SCARA5: variants seen among roughly 807,000 people sequenced by gnomAD.
The protein encoded by SCARA5 is scavenger receptor class A member 5.
A neutral mutation model predicts 46.3 loss-of-function variants in SCARA5; 45 were observed. The ratio of observed to expected loss-of-function variants is 0.97; its 90% confidence interval spans 0.76 to 1.24. The LOEUF (loss-of-function observed/expected upper bound fraction) is 1.24, where lower values mean the gene tolerates loss of function less well. SCARA5 is among the 50% of genes most tolerant of loss of function. The pLI, the probability that SCARA5 is intolerant of heterozygous loss-of-function variation, is 0.00. For synonymous variants in SCARA5, 333 were observed against 306.5 expected (o/e 1.09, Z -0.90); for missense variants, 680 against 689.0 (o/e 0.99, Z 0.15).
rs148967042 is a variant in SCARA5, at chr8:27,875,814, G to A, written c.1352-3744C>T. Among the ~76,000 whole-genome samples, 59 of 152,260 alleles carry A rather than the reference G, an allele frequency of 3.9e-4. No individual in the cohort carries two copies. The East Asian group carries it at 0.011, about 28-fold the overall frequency. ...GTTTGAGACCAGCCTGGGCAACATAGCAAGACCCTATTTCTCCAAAATAAT... is the reference window on the plus strand; with the variant it reads ...GTTTGAGACCAGCCTGGGCAACATAACAAGACCCTATTTCTCCAAAATAAT... On this transcript the variant is annotated intron_variant, in intron 8 of 8. Coordinates refer to ENST00000354914, the MANE Select transcript of SCARA5 (RefSeq NM_173833.6).
chr8:27,964,777 T>G (rs1286997805), intron 3 of SCARA5, among the ~76,000 whole-genome samples: 1 of 152,038 alleles, frequency 6.6e-6, no homozygotes, highest in East Asian at 1.9e-4. Context: ...TCCAGAGGCC[T>G]GCCCCAAACC....
In SCARA5 at chr8:27,889,374, T is replaced by C. The variant is rs546871698; in HGVS notation, c.1154-9608A>G. Among the ~76,000 whole-genome samples the C allele has an allele frequency of 3.3e-5, 5 of 152,318 alleles. No individual in the cohort carries two copies. In the East Asian group the frequency reaches 7.7e-4, roughly 23 times the overall value. Reference sequence around the variant, plus strand: ...AATAATCACAAATGATGGTGAAGCATAGCATTTGCCAGCTGGTAGAGACTT... The same window carrying C: ...AATAATCACAAATGATGGTGAAGCACAGCATTTGCCAGCTGGTAGAGACTT... On this transcript the variant is annotated intron_variant, in intron 7 of 8. Coordinates refer to ENST00000354914, the MANE Select transcript of SCARA5 (RefSeq NM_173833.6).
At chr8:27,978,193 A>T (rs1388254566) in intron 2 of SCARA5, among the ~76,000 whole-genome samples, 7 of 137,966 alleles carry the variant, frequency 5.1e-5, no homozygotes, top group East Asian at 2.2e-4. Flanking sequence ...CATCCGGCTA[A>T]TTTTTTTTTT....
At chr8:27,891,912 G>A (rs1402181180) in intron 7 of SCARA5, among the ~76,000 whole-genome samples, 1 of 152,204 alleles carries the variant, frequency 6.6e-6, no homozygotes, top group Non-Finnish European at 1.5e-5. Flanking sequence ...CTGTAACTAG[G>A]GTCCAGCTTT....
chr8:27,976,360 A>G (rs1355488135), intron 2 of SCARA5, among the ~76,000 whole-genome samples: 1 of 152,182 alleles, frequency 6.6e-6, no homozygotes, highest in African/African-American at 2.4e-5. Context: ...GCCTAATTTC[A>G]GGCCAAAAGA....
At chr8:27,916,075 A>T (rs995089502) in intron 4 of SCARA5, among the ~76,000 whole-genome samples, 1 of 152,216 alleles carries the variant, frequency 6.6e-6, no homozygotes, top group Non-Finnish European at 1.5e-5. Context: ...GATTAATGCT[A>T]AAAATCCAAA....
chr8:27,925,884 G>A (rs527577108), intron 3 of SCARA5, among the ~76,000 whole-genome samples: 65 of 152,296 alleles, frequency 4.3e-4, no homozygotes, highest in Middle Eastern at 6.8e-3. Context: ...AAATGCAAAT[G>A]AGAACCACAA....
chr8:27,889,976 AT>A (rs1194700166), intron 7 of SCARA5, among the ~76,000 whole-genome samples: 1 of 152,158 alleles, frequency 6.6e-6, no homozygotes, highest in African/African-American at 2.4e-5. Flanking sequence ...GTCTGTGTTT[AT>A]TTTTTCAATT....
At chr8:27,975,398 G>A (rs912405512) in intron 2 of SCARA5, among the ~76,000 whole-genome samples, 39 of 152,154 alleles carry the variant, frequency 2.6e-4, no homozygotes, top group African/African-American at 8.4e-4. Context: ...AAGCACTCTA[G>A]CAAATTAATC....
chr8:27,975,303 CCT>C (rs979306230), intron 2 of SCARA5, among the ~76,000 whole-genome samples: 50 of 152,078 alleles, frequency 3.3e-4, no homozygotes, highest in African/African-American at 1.1e-3. Context: ...GCACCTCTTC[CCT>C]CTGTTATTCA....
intron 2 of SCARA5, among the ~76,000 whole-genome samples, chr8:27,972,901 A>G (rs1808468215): frequency 1.3e-5 from 2 of 152,110 alleles, no homozygotes; most frequent in South Asian, 4.1e-4. Flanking sequence ...TATATTAAGA[A>G]TTAAGTACCA....
chr8:27,942,686 G>A (rs1402228474), intron 3 of SCARA5, among the ~76,000 whole-genome samples: 2 of 152,086 alleles, frequency 1.3e-5, no homozygotes, highest in African/African-American at 2.4e-5. Context: ...GAAGTGTTAC[G>A]CTGACTTGGC....
At chr8:27,965,252 G>A (rs975912768) in intron 3 of SCARA5, among the ~76,000 whole-genome samples, 2 of 152,182 alleles carry the variant, frequency 1.3e-5, no homozygotes, top group African/African-American at 2.4e-5. Context: ...AATCAAGACC[G>A]GGGAGGTCCT....
At chr8:27,907,572 C>CTTTTTTTTTTTTTTTTTTTTTTTTT (rs144977060) in intron 5 of SCARA5, among the ~76,000 whole-genome samples, 1 of 97,274 alleles carries the variant, frequency 1.0e-5, no homozygotes, top group African/African-American at 3.9e-5. Flanking sequence ...TCAGCAAACA[C>CTTTTTTTTTTTTTTTTTTTTTTTTT]TTTTTTTTTT....
intron 7 of SCARA5, among the ~76,000 whole-genome samples, chr8:27,884,714 C>T (rs1191727761): frequency 1.3e-5 from 2 of 152,202 alleles, no homozygotes; most frequent in African/African-American, 4.8e-5. Flanking sequence ...CTTTGTGCAC[C>T]TACTCGTTTA....
At chr8:27,880,749 G>A (rs539849498) in intron 7 of SCARA5, among the ~76,000 whole-genome samples, 48 of 151,802 alleles carry the variant, frequency 3.2e-4, no homozygotes, top group African/African-American at 1.2e-3. Context: ...TAGCTACTCG[G>A]GAGGCTGAGG....
chr8:27,920,569 T>G (rs1165007747), intron 4 of SCARA5, among the ~76,000 whole-genome samples: 2 of 143,144 alleles, frequency 1.4e-5, no homozygotes, highest in Non-Finnish European at 3.0e-5. Context: ...AGGGAGATCA[T>G]GCCACTGAAC....
At chr8:27,906,840 C>T (rs1445918941) in intron 6 of SCARA5, among the ~76,000 whole-genome samples, 1 of 152,206 alleles carries the variant, frequency 6.6e-6, no homozygotes, top group African/African-American at 2.4e-5. Flanking sequence ...GCTGGGACTA[C>T]AGATAAGTGC....
In SCARA5 at chr8:27,927,995, G is replaced by T. The variant is rs139043996; in HGVS notation, c.242-5750C>A. Among the ~76,000 whole-genome samples, 709 of 152,284 alleles carry T rather than the reference G, an allele frequency of 4.7e-3. 6 individuals are homozygous for T. The highest frequency in any genetic ancestry group is 0.016 in the African/African-American group (685 of 41,544). On this transcript the variant is annotated intron_variant, in intron 3 of 8. Coordinates refer to ENST00000354914, the MANE Select transcript of SCARA5 (RefSeq NM_173833.6). Reference sequence around the variant, plus strand: ...CAGCTCATAGGAATAAGATACTTCAGGTACCGGGGCTAATCAGAACAAAAA... The same window carrying T: ...CAGCTCATAGGAATAAGATACTTCATGTACCGGGGCTAATCAGAACAAAAA...
Sources: gnomAD v4.1 joint callset for allele counts (sites outside exome capture counted in the v4.1 genomes callset) on GRCh38, gnomAD v4.1.1 for gene constraint, MANE v1.5 for transcripts, NCBI Gene and HGNC (gene_info 2026-07-23, HGNC 2026-07-21) for gene names.